The following TBX2 variants were observed in gnomAD, a reference collection of about 807,000 sequenced individuals.
TBX2 encodes the protein T-box transcription factor 2.
Under a neutral mutation model 48.4 loss-of-function variants are expected in TBX2, and 19 were observed. The observed-to-expected ratio is 0.39, with a 90% confidence interval of 0.27 to 0.58. The LOEUF is 0.58. Among genes scored for constraint, TBX2 ranks in the 20% least tolerant of loss-of-function variants. The pLI, the probability that TBX2 is intolerant of heterozygous loss-of-function variation, is 0.54. For missense variants in TBX2, 994 were observed against 1,006.5 expected (o/e 0.99, Z 0.17); for synonymous variants, 522 against 459.7 (o/e 1.14, Z -1.73).
Position 61,400,755 on chromosome 17 carries a change from AT to A in TBX2, c.395+193del, listed in dbSNP as rs568933261. ...ACTTTTCTCGTTTGGCACCGGAGCG[AT>A]TTTTTTTTAAAACAAAAACGCTAAA... On this transcript the variant is annotated intron_variant, in intron 1 of 6. Coordinates refer to ENST00000240328, the MANE Select transcript of TBX2 (RefSeq NM_005994.4). The surrounding 1 kb of genome is among the most constrained non-coding windows in gnomAD (Gnocchi z 9.2). Among the ~76,000 whole-genome samples the A allele has an allele frequency of 5.2e-3, 797 of 151,884 alleles. 8 individuals are homozygous for A. The highest frequency in any genetic ancestry group is 0.018 in the African/African-American group (743 of 41,436).
chr17:61,405,952 G>T, intron 6 of TBX2, 116 bp downstream of exon 6: 1 of 1,118,160 alleles, frequency 8.9e-7, no homozygotes, highest in East Asian at 3.2e-5. Flanking sequence ...TGGCAGGCAA[G>T]AACTCCATCC....
At position 61,400,279 on chromosome 17, in the gene TBX2, C is replaced by A; in HGVS notation, c.103C>A (p.Pro35Thr). The A allele has an allele frequency of 8.5e-7, 1 of 1,176,130 alleles. No homozygotes were observed. 72.9% of individuals were successfully genotyped at this position (1,176,130 alleles called of 1,614,324 possible). A position where few individuals can be genotyped will look rare whatever the true frequency, so the allele number is the denominator to read the frequency against. Residue 35 changes from proline to threonine, a missense_variant, in exon 1 of 7, where the codon CCC becomes ACC. Transcript: ENST00000240328. The surrounding 1 kb of genome is among the most constrained non-coding windows in gnomAD (Gnocchi z 9.2). ...PMSAFLAAAQ[P>T]SFFPALALPP... The stretch of plus-strand genomic sequence containing the variant: ...GTCCGCCTTTCTGGCGGCGGCGCAG[C>A]CCTCCTTCTTCCCGGCACTCGCGCT...
chr17:61,405,138 G>A, intron 5 of TBX2, 64 bp from the exon 6 acceptor site: 1 of 1,479,650 alleles, frequency 6.8e-7, no homozygotes, highest in Admixed American at 2.2e-5. Flanking sequence ...CTTCCCGAGT[G>A]TCCCTGATCC....
In TBX2 at chr17:61,406,978, T is replaced by C. The variant is rs2060291592; in HGVS notation, c.1687-1076T>C. On this transcript the variant is annotated intron_variant, in intron 6 of 6. Transcript: ENST00000240328. This position sits in a 1 kb window ranked among gnomAD's most constrained non-coding sequence, Gnocchi z 5.7. ...ATAATCACCAGCATCACAGAGGTCA[T>C]GAGGAAGTCAGGGCTTCTAGACACA... 1 of 152,080 alleles carries C rather than the reference T, an allele frequency of 6.6e-6. No individual in the cohort carries two copies. The highest frequency in any genetic ancestry group is 1.5e-5 in the Non-Finnish European group (1 of 68,010). 9.4% of individuals were successfully genotyped at this position (152,080 alleles called of 1,614,324 possible). A position where few individuals can be genotyped will look rare whatever the true frequency, so the allele number is the denominator to read the frequency against.
chr17:61,400,637 G>C lies in TBX2; in HGVS notation c.395+66G>C, dbSNP rs1298040468. ...GCGGGCTGGGGCACGGGACTGCACGGATCAGAGCAGAGCTGGGGACTCCCG... is the reference window on the plus strand; with the variant it reads ...GCGGGCTGGGGCACGGGACTGCACGCATCAGAGCAGAGCTGGGGACTCCCG... On this transcript the variant is annotated intron_variant, in intron 1 of 6. Coordinates refer to ENST00000240328, the MANE Select transcript of TBX2 (RefSeq NM_005994.4). This position sits in a 1 kb window ranked among gnomAD's most constrained non-coding sequence, Gnocchi z 9.2. 6.7e-7 allele frequency: 1 copy of C among 1,490,748 alleles called. No homozygotes were observed. The highest frequency in any genetic ancestry group is 9.1e-7 in the Non-Finnish European group (1 of 1,104,178). 92.3% of individuals were successfully genotyped at this position (1,490,748 alleles called of 1,614,324 possible). A position where few individuals can be genotyped will look rare whatever the true frequency, so the allele number is the denominator to read the frequency against.
chr17:61,400,292 C>A lies in TBX2; in HGVS notation c.116C>A (p.Pro39Gln), dbSNP rs765373613. 8 of 1,140,488 alleles carry A rather than the reference C, an allele frequency of 7.0e-6. No homozygotes were observed. The highest frequency in any genetic ancestry group is 3.0e-5 in the Admixed American group (1 of 33,520). 70.6% of individuals were successfully genotyped at this position (1,140,488 alleles called of 1,614,324 possible). A position where few individuals can be genotyped will look rare whatever the true frequency, so the allele number is the denominator to read the frequency against. ...FLAAAQPSFF[P>Q]ALALPPGALA... ...GCGGCGGCGCAGCCCTCCTTCTTCCCGGCACTCGCGCTGCCGCCCGGCGCG... is the reference window on the plus strand; with the variant it reads ...GCGGCGGCGCAGCCCTCCTTCTTCCAGGCACTCGCGCTGCCGCCCGGCGCG... The change falls in exon 1 of 7, where the codon CCG becomes CAG. Residue 39 changes from proline to glutamine, a missense_variant. Around this residue, in one of 5 missense-constraint regions of TBX2, gnomAD observed 165 missense variants for 136.8 expected, o/e 1.21. Transcript: ENST00000240328. This position sits in a 1 kb window ranked among gnomAD's most constrained non-coding sequence, Gnocchi z 9.2.
Position 61,400,473 on chromosome 17 carries a change from C to G in TBX2, c.297C>G (p.Asp99Glu). The change falls in exon 1 of 7, where the codon GAC becomes GAG. Residue 99 changes from aspartate (D) to glutamate (E), a missense_variant. Asp to Glu is a conservative substitution (Grantham distance 45, BLOSUM62 2). This residue lies in a region of TBX2 where 165 missense variants were observed against 136.8 expected (regional missense o/e 1.21). Transcript: ENST00000240328. This position sits in a 1 kb window ranked among gnomAD's most constrained non-coding sequence, Gnocchi z 9.2. ...CCCTCAAGAGCCTGGAGCCCGAGGA[C>G]GAGGTGGAGGACGACCCCAAGGTGA... ...LRSLKSLEPE[D>E]EVEDDPKVTL... is the part of the protein sequence containing the mutation. The G allele has an allele frequency of 6.2e-7, 1 of 1,601,248 alleles. No individual in the cohort carries two copies. Among genetic ancestry groups the G allele is most frequent in the Non-Finnish European group, 8.5e-7 (1 of 1,175,066 alleles).
At chr17:61,401,646 C>G (rs756235282) in intron 1 of TBX2, 38 bp from the exon 2 acceptor site, 4 of 1,586,516 alleles carry the variant, frequency 2.5e-6, no homozygotes, top group Admixed American at 1.7e-5. Flanking sequence ...CTAGAACAGC[C>G]GGTTCCAATG....
intron 3 of TBX2, 109 bp from the exon 4 acceptor site, chr17:61,404,312 C>T: frequency 3.7e-6 from 5 of 1,360,256 alleles, no homozygotes; most frequent in Non-Finnish European, 4.0e-6. Context: ...ACCAAGTGGA[C>T]GCTCCCCGGG....
rs770517236 is a variant in TBX2 at position 61,404,516 on chromosome 17, C to A, written c.887+19C>A. ...AGAAAAGGTGAGAGGCCGAGGACAG[C>A]AGCCCTGTGGCGGGTGCCCGCGGGA... On this transcript the variant is annotated intron_variant, in intron 4 of 6. Coordinates refer to ENST00000240328, the MANE Select transcript of TBX2 (RefSeq NM_005994.4). 5.6e-6 allele frequency: 9 copies of A among 1,609,088 alleles called. No homozygotes were observed. The Admixed American group carries it at 1.5e-4, about 27-fold the overall frequency.
At chr17:61,402,006 A>G in intron 2 of TBX2, 55 bp downstream of exon 2, 2 of 1,536,132 alleles carry the variant, frequency 1.3e-6, no homozygotes, top group Non-Finnish European at 8.8e-7. Context: ...CCAGCACTGC[A>G]GCTGAGCAGG....
chr17:61,405,874 G>A (rs1358037613), intron 6 of TBX2, 38 bp downstream of exon 6: 28 of 1,283,632 alleles, frequency 2.2e-5, no homozygotes, highest in Non-Finnish European at 2.7e-5. Context: ...CAGCGAGGGA[G>A]AAGGCCCAGG....
In TBX2 at chr17:61,406,769, T is replaced by G. The variant is rs1222815899; in HGVS notation, c.1686+933T>G. ...GGGTGGGGGGTTGGGAGGCAGGCGA[T>G]TCTGAAATGAGTTTTACACACAGCT... is the stretch of plus-strand genomic sequence containing the variant. On this transcript the variant is annotated intron_variant, in intron 6 of 6. Coordinates refer to ENST00000240328, the MANE Select transcript of TBX2 (RefSeq NM_005994.4). The surrounding 1 kb of genome is among the most constrained non-coding windows in gnomAD (Gnocchi z 5.7). The G allele has an allele frequency of 6.6e-6, 1 of 151,932 alleles. No homozygotes were observed. Among genetic ancestry groups the G allele is most frequent in the African/African-American group, 2.4e-5 (1 of 41,144 alleles). 9.4% of individuals were successfully genotyped at this position (151,932 alleles called of 1,614,324 possible).
At position 61,406,995 on chromosome 17, in the gene TBX2, C is replaced by G. The variant is rs1004231410; in HGVS notation, c.1687-1059C>G. On this transcript the variant is annotated intron_variant, in intron 6 of 6. Transcript: ENST00000240328. The surrounding 1 kb of genome is among the most constrained non-coding windows in gnomAD (Gnocchi z 5.7). ...AGAGGTCATGAGGAAGTCAGGGCTT[C>G]TAGACACAGCCTGGCCAACAGGTGC... 3 of 152,132 alleles carry G rather than the reference C, an allele frequency of 2.0e-5. No homozygotes were observed. Among genetic ancestry groups the G allele is most frequent in the Non-Finnish European group, 4.4e-5 (3 of 68,018 alleles). 9.4% of individuals were successfully genotyped at this position (152,132 alleles called of 1,614,324 possible).
chr17:61,405,157 G>T lies in TBX2; in HGVS notation c.1052-45G>T, dbSNP rs906014850. On this transcript the variant is annotated intron_variant, in intron 5 of 6. Transcript: ENST00000240328. The stretch of plus-strand genomic sequence containing the variant: ...CCGAGTGTCCCTGATCCTGCTCGTC[G>T]GCCTCCGCCCAGGCCCCTGTAATCC... 1.4e-5 allele frequency: 20 copies of T among 1,466,032 alleles called. No individual in the cohort carries two copies. In the East Asian group the frequency reaches 2.0e-4, roughly 15 times the overall value. The allele number at this position is 1,466,032 out of a possible 1,614,324, so 90.8% of individuals were successfully genotyped here.
At position 61,400,302 on chromosome 17, in the gene TBX2, G is replaced by T; in HGVS notation, c.126G>T (p.Ala42=). ...AGCCCTCCTTCTTCCCGGCACTCGC[G>T]CTGCCGCCCGGCGCGCTGGCCAAGC... ...AAQPSFFPAL[A]LPPGALAKPL... is the part of the protein sequence containing the mutation. Residue 42 remains alanine, a synonymous_variant, in exon 1 of 7, where the codon GCG becomes GCT. Coordinates refer to ENST00000240328, the MANE Select transcript of TBX2 (RefSeq NM_005994.4). The surrounding 1 kb of genome is among the most constrained non-coding windows in gnomAD (Gnocchi z 9.2). The T allele has an allele frequency of 9.1e-7, 1 of 1,103,676 alleles. No individual in the cohort carries two copies. Among genetic ancestry groups the T allele is most frequent in the Non-Finnish European group, 1.1e-6 (1 of 893,696 alleles). The allele number at this position is 1,103,676 out of a possible 1,614,324, so 68.4% of individuals were successfully genotyped here.
Position 61,403,334 on chromosome 17 carries a change from A to G in TBX2, c.810+127A>G. 7.0e-7 allele frequency: 1 copy of G among 1,432,368 alleles called. No homozygotes were observed. Among genetic ancestry groups the G allele is most frequent in the Non-Finnish European group, 9.3e-7 (1 of 1,075,208 alleles). 88.7% of individuals were successfully genotyped at this position (1,432,368 alleles called of 1,614,324 possible). A position where few individuals can be genotyped will look rare whatever the true frequency, so the allele number is the denominator to read the frequency against. Reference sequence around the variant, plus strand: ...TCCGCGCTCTTGCGGCCCGCCCCCGAGCACCGAGCCTCGCATCCATACGCG... The same window carrying G: ...TCCGCGCTCTTGCGGCCCGCCCCCGGGCACCGAGCCTCGCATCCATACGCG... On this transcript the variant is annotated intron_variant, in intron 3 of 6. Transcript: ENST00000240328. The surrounding 1 kb of genome is among the most constrained non-coding windows in gnomAD (Gnocchi z 5.8).
chr17:61,404,974 C>T (rs1313253270), intron 5 of TBX2: 7 of 1,248,372 alleles, frequency 5.6e-6, no homozygotes, highest in Non-Finnish European at 6.8e-6. Flanking sequence ...CCGAGCCTGG[C>T]CCCTTGGGCG....
chr17:61,402,946 GAGAGAGAGAGAGAGAGAGAGAGAGA>G lies in TBX2; in HGVS notation c.664-113_664-89del, dbSNP rs1329223999. 1.5e-4 allele frequency: 152 copies of G among 1,013,744 alleles called. 4 individuals are homozygous for G. The highest frequency in any genetic ancestry group is 4.8e-4 in the Admixed American group (10 of 20,832). The allele number at this position is 1,013,744 out of a possible 1,614,324, so 62.8% of individuals were successfully genotyped here. ...AAGAACCGATAGAGAGAGAGAGAGA[GAGAGAGAGAGAGAGAGAGAGAGAGA>G]AAGTGGAGAGGAAGAGGTCAGGTAC... On this transcript the variant is annotated intron_variant, in intron 2 of 6. Transcript: ENST00000240328.
Sources: allele counts gnomAD v4.1 joint callset (sites outside exome capture counted in the v4.1 genomes callset), GRCh38; gene constraint gnomAD v4.1.1; regional missense constraint gnomAD v4.1.1; non-coding constraint Gnocchi (gnomAD v3.1); transcripts MANE v1.5; gene names NCBI Gene and HGNC (gene_info 2026-07-23, HGNC 2026-07-21).